The following DOCK1 variants were observed in gnomAD, a reference collection of about 807,000 sequenced individuals.
DOCK1 encodes the protein dedicator of cytokinesis protein 1.
A neutral mutation model predicts 262.7 loss-of-function variants in DOCK1; 138 were observed. The ratio of observed to expected loss-of-function variants is 0.53; its 90% CI spans 0.46 to 0.61. The LOEUF (loss-of-function observed/expected upper bound fraction) is 0.61. Ranked by LOEUF, DOCK1 falls within the 20% of genes least tolerant of loss-of-function variation. The pLI, the probability that DOCK1 is intolerant of heterozygous loss-of-function variation, is 0.00. For missense variants in DOCK1, 1,908 were observed against 2,370.7 expected, an observed-to-expected ratio of 0.80 and a Z score of 4.05; for synonymous variants, 866 against 867.4, an observed-to-expected ratio of 1.00 and a Z score of 0.03.
At chr10:126,952,441 A>G (rs974118885) in intron 1 of DOCK1, among the ~76,000 whole-genome samples, 1 of 144,370 alleles carries the variant, frequency 6.9e-6, no homozygotes, top group Non-Finnish European at 1.5e-5. Flanking sequence ...TCTTGGTAGT[A>G]TTGTTGGTGA....
Position 126,987,928 on chromosome 10 carries a change from C to T in DOCK1, c.324+311C>T, listed in dbSNP as rs116089876. ...GTTTCAGGCCCCTGGAATGCAGGAT[C>T]GGGCAGTGGGTGTTGATGTCACCTT... On this transcript the variant is annotated intron_variant, in intron 5 of 51. Transcript: ENST00000623213. 8.6e-3 allele frequency among the ~76,000 whole-genome samples: 1,308 copies of T among 151,482 alleles called. 22 individuals are homozygous for T. The highest frequency in any genetic ancestry group is 0.028 in the African/African-American group (1,171 of 41,226).
chr10:127,329,404 G>A (rs1228235016), intron 29 of DOCK1, among the ~76,000 whole-genome samples: 1 of 151,738 alleles, frequency 6.6e-6, no homozygotes, highest in Non-Finnish European at 1.5e-5. Flanking sequence ...TCTGGGGTGA[G>A]CAGACACTGG....
At chr10:127,252,704 T>C (rs7923259) in intron 28 of DOCK1, among the ~76,000 whole-genome samples, 105,990 of 147,534 alleles carry the variant, frequency 0.72, 38,756 homozygotes, top group South Asian at 0.81. Context: ...TGTAGATATG[T>C]GGTGTTATTT....
In DOCK1 at chr10:127,024,674, T is replaced by C; in HGVS notation, c.1453-11T>C. The C allele has an allele frequency of 6.2e-7, 1 of 1,604,180 alleles. No individual in the cohort carries two copies. On this transcript the variant is annotated splice_polypyrimidine_tract_variant and intron_variant, in intron 14 of 51. Transcript: ENST00000623213. ...AGGTCTTACGTGAGCTCTTTATGTCTTCTTTTAAAGCATGTGATTTTCCCG... is the reference window on the plus strand; with the variant it reads ...AGGTCTTACGTGAGCTCTTTATGTCCTCTTTTAAAGCATGTGATTTTCCCG...
intron 29 of DOCK1, among the ~76,000 whole-genome samples, chr10:127,308,919 T>C (rs1347305531): frequency 2.0e-5 from 3 of 152,230 alleles, no homozygotes; most frequent in African/African-American, 7.2e-5. Flanking sequence ...GTCTTTGCAG[T>C]AGAATCATTT....
chr10:127,379,948 A>G, intron 35 of DOCK1, 134 bp from the exon 36 acceptor site: 1 of 655,454 alleles, frequency 1.5e-6, no homozygotes, highest in Non-Finnish European at 2.7e-6. Flanking sequence ...ATGTGAATTT[A>G]TGGTTCTGAT....
intron 13 of DOCK1, among the ~76,000 whole-genome samples, chr10:127,022,289 C>G (rs2042488639): frequency 6.6e-6 from 1 of 151,800 alleles, no homozygotes; most frequent in African/African-American, 2.4e-5. Flanking sequence ...CGTTTTTCCT[C>G]CCTGATTCTA....
At chr10:127,010,436 C>T (rs182609999) in intron 11 of DOCK1, among the ~76,000 whole-genome samples, 260 of 152,340 alleles carry the variant, frequency 1.7e-3, no homozygotes, top group African/African-American at 6.1e-3. Flanking sequence ...CACTGCACTC[C>T]AGCCTGGGCG....
intron 1 of DOCK1, among the ~76,000 whole-genome samples, chr10:126,959,477 G>A (rs2037019806): frequency 6.6e-6 from 1 of 152,032 alleles, no homozygotes; most frequent in Admixed American, 6.6e-5. Flanking sequence ...TGATTTGTGG[G>A]GCATGACTTC....
chr10:127,410,889 C>T lies in DOCK1; in HGVS notation c.4393C>T (p.Arg1465Trp), dbSNP rs527767220. 9 of 1,613,764 alleles carry T rather than the reference C, an allele frequency of 5.6e-6. No individual in the cohort carries two copies. Among genetic ancestry groups the T allele is most frequent in the African/African-American group, 5.3e-5 (4 of 75,040 alleles). ...VQRFEYSRPI[R>W]KGEKNPDNEF... ...GCGATTTGAATATTCTCGGCCAATC[C>T]GGAAGGGAGAGAAAAACCCAGACAA... The change falls in exon 43 of 52, where the codon CGG becomes TGG. Residue 1465 changes from arginine (R) to tryptophan (W), a missense_variant. Coordinates refer to ENST00000623213, the MANE Select transcript of DOCK1 (RefSeq NM_001290223.2).
intron 28 of DOCK1, among the ~76,000 whole-genome samples, chr10:127,255,592 C>T (rs11813620): frequency 0.042 from 6,361 of 152,128 alleles, 178 homozygotes; most frequent in African/African-American, 0.075. Context: ...AAAACAAGGA[C>T]GCCTTGCAGA....
At chr10:126,987,665 T>C (rs1368797112) in intron 5 of DOCK1, 48 bp downstream of exon 5, 4 of 1,452,966 alleles carry the variant, frequency 2.8e-6, no homozygotes, top group Admixed American at 4.3e-5. Context: ...GAGAGTGGGC[T>C]TTTTTGACCC....
chr10:127,086,801 T>C (rs984657208), intron 23 of DOCK1, among the ~76,000 whole-genome samples: 1 of 152,174 alleles, frequency 6.6e-6, no homozygotes, highest in South Asian at 2.1e-4. Flanking sequence ...TAAAATAGTT[T>C]TATGAAATGG....
At chr10:127,159,166 A>G (rs1488419085) in intron 27 of DOCK1, among the ~76,000 whole-genome samples, 1 of 152,192 alleles carries the variant, frequency 6.6e-6, no homozygotes, top group Non-Finnish European at 1.5e-5. Context: ...CCAATTCTAC[A>G]AGGTGGTTTT....
At chr10:127,144,698 C>T (rs2051622658) in intron 27 of DOCK1, among the ~76,000 whole-genome samples, 1 of 152,050 alleles carries the variant, frequency 6.6e-6, no homozygotes, top group Admixed American at 6.5e-5. Flanking sequence ...GGATCTCATC[C>T]TAATAGTTTA....
At chr10:126,950,435 G>T (rs985484398) in intron 1 of DOCK1, among the ~76,000 whole-genome samples, 2 of 152,124 alleles carry the variant, frequency 1.3e-5, no homozygotes, top group Non-Finnish European at 2.9e-5. Context: ...CTTTAGACTG[G>T]GGTTCCATTC....
chr10:127,086,142 C>G (rs1333052632), intron 23 of DOCK1, among the ~76,000 whole-genome samples: 1 of 144,218 alleles, frequency 6.9e-6, no homozygotes, highest in Non-Finnish European at 1.5e-5. Flanking sequence ...GGAGACACAC[C>G]CCCCGCCCCT....
chr10:127,228,782 A>AT, intron 27 of DOCK1, among the ~76,000 whole-genome samples: 1 of 152,336 alleles, frequency 6.6e-6, no homozygotes, highest in South Asian at 2.1e-4. Context: ...ACATTTTTAA[A>AT]TTTTATTGTT....
intron 27 of DOCK1, among the ~76,000 whole-genome samples, chr10:127,173,129 A>T (rs2054737555): frequency 6.6e-6 from 1 of 151,898 alleles, no homozygotes. Context: ...CCCCTGCTCC[A>T]GCATTGCTGG....
Sources: allele counts gnomAD v4.1 joint callset (sites outside exome capture counted in the v4.1 genomes callset), GRCh38; gene constraint gnomAD v4.1.1; transcripts MANE v1.5; gene names NCBI Gene and HGNC (gene_info 2026-07-23, HGNC 2026-07-21).